Variants in TOX observed in about 807,000 individuals in gnomAD.
TOX encodes thymocyte selection associated high mobility group box, also known as thymocyte selection-associated high mobility group box protein TOX.
In TOX, 11 loss-of-function variants were observed where a neutral mutation model predicts 53.7. That is an observed-to-expected ratio of 0.20 (90% CI 0.13 to 0.34). The LOEUF (loss-of-function observed/expected upper bound fraction) is 0.34. Ranked by LOEUF, TOX falls within the 10% of genes least tolerant of loss-of-function variation. The pLI, the probability that TOX is intolerant of heterozygous loss-of-function variation, is 1.00. For missense variants in TOX, 570 were observed against 664.6 expected, an observed-to-expected ratio of 0.86 and a Z score of 1.56; for synonymous variants, 225 against 245.3, an observed-to-expected ratio of 0.92 and a Z score of 0.77.
intron 1 of TOX, among the ~76,000 whole-genome samples, chr8:59,035,399 T>C (rs1032294933): frequency 5.3e-5 from 8 of 152,314 alleles, no homozygotes; most frequent in African/African-American, 1.9e-4. Context: ...GATCTTACTG[T>C]GTTGTCCAGG....
At chr8:59,016,505 T>C (rs1814011954) in intron 1 of TOX, among the ~76,000 whole-genome samples, 1 of 152,190 alleles carries the variant, frequency 6.6e-6, no homozygotes, top group East Asian at 1.9e-4. Context: ...CAACTAAAAA[T>C]GAATGTCAGT....
intron 1 of TOX, among the ~76,000 whole-genome samples, chr8:59,068,031 A>T (rs1804125766): frequency 1.3e-5 from 2 of 152,228 alleles, no homozygotes; most frequent in South Asian, 4.1e-4. Context: ...ATTGGGGACA[A>T]TAATGGAGTG....
intron 3 of TOX, among the ~76,000 whole-genome samples, chr8:58,903,064 C>T (rs541197855): frequency 1.2e-4 from 18 of 152,128 alleles, no homozygotes; most frequent in Non-Finnish European, 2.5e-4. Flanking sequence ...AAAAAGTCTT[C>T]GAATGGAGCA....
At chr8:59,088,157 A>T (rs1804546895) in intron 1 of TOX, among the ~76,000 whole-genome samples, 1 of 152,194 alleles carries the variant, frequency 6.6e-6, no homozygotes, top group Admixed American at 6.5e-5. Context: ...ACAAAGAAGG[A>T]ATAAGACGTT....
At chr8:58,989,626 T>C (rs1280219322) in intron 1 of TOX, among the ~76,000 whole-genome samples, 1 of 152,260 alleles carries the variant, frequency 6.6e-6, no homozygotes, top group Non-Finnish European at 1.5e-5. Context: ...TGCATCTCAT[T>C]AAGCCTTTCA....
chr8:59,063,962 A>G (rs1330446901), intron 1 of TOX, among the ~76,000 whole-genome samples: 3 of 152,110 alleles, frequency 2.0e-5, no homozygotes, highest in Non-Finnish European at 2.9e-5. Context: ...ACTATGCTAT[A>G]CCTTCCTCGA....
chr8:59,035,857 C>G (rs180885434), intron 1 of TOX, among the ~76,000 whole-genome samples: 1 of 152,324 alleles, frequency 6.6e-6, no homozygotes, highest in Non-Finnish European at 1.5e-5. Flanking sequence ...CATGTGCCAG[C>G]CAGAGGGCAC....
intron 3 of TOX, among the ~76,000 whole-genome samples, chr8:58,874,466 C>T (rs1811252728): frequency 6.6e-6 from 1 of 152,064 alleles, no homozygotes; most frequent in Non-Finnish European, 1.5e-5. Flanking sequence ...GATTCGCCTA[C>T]TTGAAGCATT....
intron 1 of TOX, among the ~76,000 whole-genome samples, chr8:59,038,804 C>A (rs1248340857): frequency 2.0e-5 from 3 of 152,220 alleles, no homozygotes; most frequent in African/African-American, 7.2e-5. Flanking sequence ...ATAATGTGTA[C>A]TTATTTTCCC....
intron 1 of TOX, among the ~76,000 whole-genome samples, chr8:59,027,099 T>C (rs1436272703): frequency 4.6e-5 from 7 of 152,154 alleles, no homozygotes; most frequent in Non-Finnish European, 1.5e-5. Context: ...AGCTACCACC[T>C]GCTAGAGAAA....
intron 1 of TOX, among the ~76,000 whole-genome samples, chr8:59,104,682 T>G (rs1430005845): frequency 3.9e-5 from 6 of 152,220 alleles, no homozygotes; most frequent in Non-Finnish European, 8.8e-5. Flanking sequence ...CCCTATTGTA[T>G]GTGTGGCTTT....
intron 3 of TOX, among the ~76,000 whole-genome samples, chr8:58,869,225 CAA>C (rs59540993): frequency 4.4e-5 from 4 of 90,852 alleles, no homozygotes; most frequent in South Asian, 4.3e-4. Context: ...GACTGCGTCT[CAA>C]AAAAAAAAAA....
chr8:59,046,074 G>T (rs774828288), intron 1 of TOX, among the ~76,000 whole-genome samples: 3 of 152,166 alleles, frequency 2.0e-5, no homozygotes, highest in African/African-American at 4.8e-5. Context: ...TGTGTGTAAT[G>T]ACTTTTAGGA....
chr8:58,965,894 GT>G (rs67045037), intron 1 of TOX, among the ~76,000 whole-genome samples: 3,138 of 49,034 alleles, frequency 0.064, 91 homozygotes, highest in African/African-American at 0.1. Flanking sequence ...ACGAGTCATC[GT>G]TTTTTTTTTT....
rs1809998878 is a variant in TOX, at chr8:58,807,471, G to A, written c.*276C>T. 1 of 358,510 alleles carries A rather than the reference G, an allele frequency of 2.8e-6. No individual in the cohort carries two copies. Among genetic ancestry groups the A allele is most frequent in the Non-Finnish European group, 5.1e-6 (1 of 194,440 alleles). 22.2% of individuals were successfully genotyped at this position (358,510 alleles called of 1,614,324 possible). A position where few individuals can be genotyped will look rare whatever the true frequency, so the allele number is the denominator to read the frequency against. On this transcript the variant is annotated 3_prime_UTR_variant, in exon 9 of 9. Transcript: ENST00000361421. Reference sequence around the variant, plus strand: ...TCTACAGTTGCTAAGGCAGTTACTAGAGCGCAGCACTTCACAGCAAAAAAC... The same window carrying A: ...TCTACAGTTGCTAAGGCAGTTACTAAAGCGCAGCACTTCACAGCAAAAAAC...
At chr8:59,078,722 G>C (rs948374766) in intron 1 of TOX, among the ~76,000 whole-genome samples, 1 of 152,238 alleles carries the variant, frequency 6.6e-6, no homozygotes, top group Non-Finnish European at 1.5e-5. Flanking sequence ...AAAGATACCT[G>C]AGAATGTGGA....
chr8:59,088,471 A>C (rs1804551801), intron 1 of TOX, among the ~76,000 whole-genome samples: 1 of 152,240 alleles, frequency 6.6e-6, no homozygotes, highest in Admixed American at 6.5e-5. Flanking sequence ...ATTTTTCTAG[A>C]TCATGAGTAT....
rs766427403 is a variant in TOX at position 58,959,970 on chromosome 8, C to T, written c.141G>A (p.Pro47=). 3.7e-6 allele frequency: 6 copies of T among 1,614,058 alleles called. No homozygotes were observed. Among genetic ancestry groups the T allele is most frequent in the East Asian group, 4.5e-5 (2 of 44,902 alleles). Residue 47 remains proline (P), a synonymous_variant, in exon 2 of 9, where the codon CCG becomes CCA. Transcript: ENST00000361421. ...GENMYMSMTE[P]SQDYVPASQS... The stretch of plus-strand genomic sequence containing the variant: ...GGCTGGCTGGCACATAGTCCTGGCT[C>T]GGCTCTGTCATGCTCATATACATGT...
chr8:59,079,721 G>A (rs954191663), intron 1 of TOX, among the ~76,000 whole-genome samples: 2 of 152,204 alleles, frequency 1.3e-5, no homozygotes, highest in African/African-American at 4.8e-5. Flanking sequence ...CAGTGAGAAG[G>A]GGAAATGTGG....
Sources: allele counts gnomAD v4.1 joint callset (sites outside exome capture counted in the v4.1 genomes callset), GRCh38; gene constraint gnomAD v4.1.1; transcripts MANE v1.5; gene names NCBI Gene and HGNC (gene_info 2026-07-23, HGNC 2026-07-21).